HTR2C: variants seen among roughly 807,000 people sequenced by gnomAD.
HTR2C encodes the protein 5-hydroxytryptamine receptor 2C.
A neutral mutation model predicts 21.0 loss-of-function variants in HTR2C; 5 were observed. That is an observed-to-expected ratio of 0.24 (90% CI 0.12 to 0.50). The LOEUF (loss-of-function observed/expected upper bound fraction) is 0.50, where lower values mean the gene tolerates loss of function less well. Among genes scored for constraint, HTR2C ranks in the 20% least tolerant of loss-of-function variants. The pLI is 0.98. For missense variants in HTR2C, 271 were observed against 371.2 expected, an observed-to-expected ratio of 0.73 and a Z score of 2.22; for synonymous variants, 150 against 145.3, an observed-to-expected ratio of 1.03 and a Z score of -0.23.
At chrX:114,635,945 G>C (rs782816128) in intron 2 of HTR2C, among the ~76,000 whole-genome samples, 7 of 111,408 alleles carry the variant, frequency 6.3e-5, no homozygotes, top group African/African-American at 1.6e-4. Context: ...CAACCCTAGA[G>C]TGATAAGTGA....
intron 1 of HTR2C, among the ~76,000 whole-genome samples, chrX:114,604,267 T>C (rs1165393109): frequency 9.1e-6 from 1 of 110,165 alleles, no homozygotes; most frequent in African/African-American, 3.3e-5. Context: ...TTAAAGTGTC[T>C]CAGCCTAATA....
intron 2 of HTR2C, among the ~76,000 whole-genome samples, chrX:114,707,216 G>T (rs1932790625): frequency 9.0e-6 from 1 of 110,613 alleles, no homozygotes; most frequent in Non-Finnish European, 1.9e-5. Context: ...TAAAATGATA[G>T]GAACTTCTTA....
chrX:114,687,079 A>G (rs782406740), intron 2 of HTR2C, among the ~76,000 whole-genome samples: 2 of 108,326 alleles, frequency 1.8e-5, no homozygotes, highest in Non-Finnish European at 3.9e-5. Context: ...ACTGACGTTT[A>G]GAAGAGATTT....
chrX:114,857,405 T>C (rs1335505860), intron 5 of HTR2C, among the ~76,000 whole-genome samples: 1 of 111,455 alleles, frequency 9.0e-6, no homozygotes, highest in Admixed American at 9.6e-5. Flanking sequence ...CGATGAACCA[T>C]AGTTTGCCAA....
chrX:114,598,763 G>A (rs1160068367), intron 1 of HTR2C, among the ~76,000 whole-genome samples: 1 of 111,248 alleles, frequency 9.0e-6, no homozygotes, highest in Non-Finnish European at 1.9e-5. Context: ...ATAACGTTAT[G>A]AAAATAATAA....
intron 5 of HTR2C, among the ~76,000 whole-genome samples, chrX:114,862,993 C>T (rs189939071): frequency 1.8e-5 from 2 of 110,963 alleles, no homozygotes; most frequent in South Asian, 3.7e-4. Context: ...ACCTCTAGGT[C>T]TACTCATGCT....
At chrX:114,897,935 C>T (rs892139669) in intron 5 of HTR2C, among the ~76,000 whole-genome samples, 1 of 112,201 alleles carries the variant, frequency 8.9e-6, no homozygotes, top group Non-Finnish European at 1.9e-5. Context: ...AATGGGATTG[C>T]TGTGTTGAGT....
chrX:114,620,701 C>A (rs193293418), intron 2 of HTR2C, among the ~76,000 whole-genome samples: 1 of 111,413 alleles, frequency 9.0e-6, no homozygotes, highest in African/African-American at 3.3e-5. Context: ...GAATTGCACT[C>A]GGCTATTTTG....
chrX:114,613,570 C>T lies in HTR2C; in HGVS notation c.-146-245C>T, dbSNP rs966154413. Among the ~76,000 whole-genome samples, 15 of 111,727 alleles carry T rather than the reference C, an allele frequency of 1.3e-4. No homozygotes were observed. The East Asian group carries it at 4.3e-3, about 32-fold the overall frequency. ...GGAATGCAGCCCAATAGGTCTCAGC[C>T]TCATTTTACCCAGCCTCTATTCACG... On this transcript the variant is annotated intron_variant, in intron 1 of 5. Coordinates refer to ENST00000276198, the MANE Select transcript of HTR2C (RefSeq NM_000868.4).
chrX:114,804,023 T>C (rs782714193), intron 4 of HTR2C, among the ~76,000 whole-genome samples: 4 of 111,770 alleles, frequency 3.6e-5, no homozygotes, highest in Non-Finnish European at 1.9e-5. Context: ...TGCTCCTTCG[T>C]TTTAAGGAGT....
intron 4 of HTR2C, among the ~76,000 whole-genome samples, chrX:114,818,598 A>G (rs904588938): frequency 5.4e-5 from 6 of 111,791 alleles, no homozygotes; most frequent in African/African-American, 1.9e-4. Context: ...ATCAATCAAT[A>G]CATCCACCAC....
At chrX:114,734,564 TAAAAAAAAAA>T (rs61672860) in intron 4 of HTR2C, among the ~76,000 whole-genome samples, 514 of 34,289 alleles carry the variant, frequency 0.015, 11 homozygotes, top group African/African-American at 0.062. Flanking sequence ...GCCTTACATG[TAAAAAAAAAA>T]AAAAAAAAAA....
chrX:114,750,199 A>G (rs782070581), intron 4 of HTR2C, among the ~76,000 whole-genome samples: 1 of 111,383 alleles, frequency 9.0e-6, no homozygotes, highest in Non-Finnish European at 1.9e-5. Context: ...CTAACAATGA[A>G]CTCTTGAAAA....
chrX:114,789,329 T>C (rs1440124263), intron 4 of HTR2C, among the ~76,000 whole-genome samples: 1 of 112,024 alleles, frequency 8.9e-6, no homozygotes, highest in Non-Finnish European at 1.9e-5. Context: ...TGTTTTATCA[T>C]ACTTTACACT....
chrX:114,603,149 T>C (rs368959172), intron 1 of HTR2C, among the ~76,000 whole-genome samples: 103 of 106,101 alleles, frequency 9.7e-4, no homozygotes, highest in African/African-American at 3.0e-3. Flanking sequence ...GGGTCAGGTG[T>C]GGTATCAGGA....
Position 114,644,362 on chromosome X carries a change from A to AATAT in HTR2C, c.-80+30524_-80+30527dup, listed in dbSNP as rs782451317. ...TCCATCTAAAATAAATAAATAAATA[A>AATAT]ATATATATATATATATATATATATA... On this transcript the variant is annotated intron_variant, in intron 2 of 5. Transcript: ENST00000276198. Among the ~76,000 whole-genome samples, 252 of 38,151 alleles carry AATAT rather than the reference A, an allele frequency of 6.6e-3. 3 individuals carry two copies. Among genetic ancestry groups the AATAT allele is most frequent in the Non-Finnish European group, 7.5e-3 (172 of 23,086 alleles). 33.1% of individuals were successfully genotyped at this position (38,151 alleles called of 115,157 possible). A position where few individuals can be genotyped will look rare whatever the true frequency, so the allele number is the denominator to read the frequency against.
intron 3 of HTR2C, among the ~76,000 whole-genome samples, chrX:114,728,519 A>G (rs2069504756): frequency 9.0e-6 from 1 of 111,528 alleles, no homozygotes. Flanking sequence ...AGTGCTCAAT[A>G]AAAATTTATT....
intron 4 of HTR2C, among the ~76,000 whole-genome samples, chrX:114,790,947 G>A (rs1218303517): frequency 9.1e-6 from 1 of 110,396 alleles, no homozygotes; most frequent in Non-Finnish European, 1.9e-5. Flanking sequence ...GCAATGAGCT[G>A]AAATCACATC....
chrX:114,849,950 A>G (rs1367591515), intron 5 of HTR2C, among the ~76,000 whole-genome samples: 1 of 112,173 alleles, frequency 8.9e-6, no homozygotes, highest in Non-Finnish European at 1.9e-5. Flanking sequence ...AAACTTACAA[A>G]CACTTCAGAT....
Sources: gnomAD v4.1 joint callset for allele counts (sites outside exome capture counted in the v4.1 genomes callset) on GRCh38, gnomAD v4.1.1 for gene constraint, MANE v1.5 for transcripts, NCBI Gene and HGNC (gene_info 2026-07-23, HGNC 2026-07-21) for gene names.